The following MAP3K15 variants were observed in gnomAD, a reference collection of about 807,000 sequenced individuals.
MAP3K15 encodes the protein mitogen-activated protein kinase kinase kinase 15.
In MAP3K15, 124 loss-of-function variants were observed where a neutral mutation model predicts 99.5. That is an observed-to-expected ratio of 1.25 (90% CI 1.08 to 1.45). The LOEUF is 1.45. Ranked by LOEUF, MAP3K15 falls within the 40% of genes most tolerant of loss-of-function variation. The probability of loss-of-function intolerance (pLI) is 0.00; values close to 1 mark genes in which losing one functional copy is unlikely to be tolerated. For missense variants in MAP3K15, 1,242 were observed against 1,079.7 expected (o/e 1.15, Z -2.11); for synonymous variants, 494 against 439.6 (o/e 1.12, Z -1.55).
chrX:19,414,535 A>G (rs2063717257), intron 10 of MAP3K15, among the ~76,000 whole-genome samples: 1 of 112,612 alleles, frequency 8.9e-6, no homozygotes. Context: ...TAAGACGGTC[A>G]TAACATTAAA....
chrX:19,389,843 A>C (rs1279636890), intron 18 of MAP3K15, among the ~76,000 whole-genome samples: 1 of 112,112 alleles, frequency 8.9e-6, no homozygotes, highest in Non-Finnish European at 1.9e-5. Context: ...GATACAAGTC[A>C]TTTTCAATTA....
chrX:19,443,728 C>T (rs10126512), intron 6 of MAP3K15, among the ~76,000 whole-genome samples: 5,640 of 111,046 alleles, frequency 0.051, 375 homozygotes, highest in African/African-American at 0.18. Flanking sequence ...AGACTGAAGG[C>T]GGATGAGGGC....
chrX:19,396,194 A>C (rs2063566922), intron 15 of MAP3K15, among the ~76,000 whole-genome samples: 1 of 112,027 alleles, frequency 8.9e-6, no homozygotes, highest in African/African-American at 3.2e-5. Context: ...ACACTATCCT[A>C]ATCACCTTTC....
intron 25 of MAP3K15, among the ~76,000 whole-genome samples, chrX:19,363,526 G>A (rs2063311947): frequency 8.9e-6 from 1 of 112,461 alleles, no homozygotes; most frequent in Admixed American, 9.4e-5. Flanking sequence ...GAAGGACGAT[G>A]TGATTATTTA....
At chrX:19,376,571 G>A (rs1201073549) in intron 19 of MAP3K15, among the ~76,000 whole-genome samples, 1 of 110,652 alleles carries the variant, frequency 9.0e-6, no homozygotes, top group African/African-American at 3.3e-5. Context: ...TCAGGTTCCT[G>A]AGTAGCTGGG....
intron 18 of MAP3K15, among the ~76,000 whole-genome samples, chrX:19,381,310 G>A (rs1255374035): frequency 1.8e-5 from 2 of 111,457 alleles, no homozygotes; most frequent in African/African-American, 3.3e-5. Context: ...ACCTGGGAGC[G>A]GAGAGGAAGG....
intron 1 of MAP3K15, among the ~76,000 whole-genome samples, chrX:19,501,723 C>T (rs979675010): frequency 2.7e-5 from 3 of 111,856 alleles, no homozygotes; most frequent in African/African-American, 9.8e-5. Context: ...ACCTGGCTCC[C>T]GGCCATTGAA....
intron 6 of MAP3K15, among the ~76,000 whole-genome samples, chrX:19,439,704 A>C (rs956671381): frequency 2.7e-5 from 3 of 111,959 alleles, no homozygotes; most frequent in Non-Finnish European, 3.8e-5. Flanking sequence ...CCTGGCCTCA[A>C]GTGATCCTCC....
intron 1 of MAP3K15, among the ~76,000 whole-genome samples, chrX:19,510,350 G>A (rs1022849021): frequency 8.9e-6 from 1 of 112,034 alleles, no homozygotes; most frequent in Non-Finnish European, 1.9e-5. Flanking sequence ...TATCCACCAT[G>A]ATCAAGTCGG....
chrX:19,482,598 G>C (rs1367937683), intron 3 of MAP3K15, among the ~76,000 whole-genome samples: 3 of 111,782 alleles, frequency 2.7e-5, no homozygotes, highest in African/African-American at 9.8e-5. Flanking sequence ...GCTGGGTGTG[G>C]GAAGAGAGAT....
intron 9 of MAP3K15, among the ~76,000 whole-genome samples, chrX:19,424,435 A>AC (rs1385886898): frequency 4.6e-5 from 5 of 108,339 alleles, no homozygotes; most frequent in Non-Finnish European, 7.7e-5. Flanking sequence ...AATACTGTCC[A>AC]CCCCTCCTGG....
intron 1 of MAP3K15, among the ~76,000 whole-genome samples, chrX:19,493,475 T>C (rs994741457): frequency 1.8e-5 from 2 of 111,795 alleles, no homozygotes; most frequent in African/African-American, 3.2e-5. Context: ...TGAGGATTTA[T>C]ACCAAAATAG....
rs192589371 is a variant in MAP3K15, at chrX:19,506,820, G to A, written c.361+8081C>T. Among the ~76,000 whole-genome samples the A allele has an allele frequency of 8.5e-4, 95 of 112,276 alleles. 1 individual carries two copies. Among genetic ancestry groups the A allele is most frequent in the African/African-American group, 2.8e-3 (87 of 31,008 alleles). On this transcript the variant is annotated intron_variant, in intron 1 of 28. Transcript: ENST00000338883. The stretch of plus-strand genomic sequence containing the variant: ...ATTACAGACGTGAGCCACCGCACCC[G>A]GCCTAGTCTTATAGTTTTCCTATCG...
intron 14 of MAP3K15, 63 bp from the exon 15 acceptor site, chrX:19,398,422 GC>G: frequency 8.8e-7 from 1 of 1,137,874 alleles, no homozygotes; most frequent in Non-Finnish European, 1.2e-6. Flanking sequence ...GCCCTCTAAG[GC>G]CCCCAGAGTT....
chrX:19,472,005 G>C (rs986988424), intron 3 of MAP3K15, among the ~76,000 whole-genome samples: 1 of 110,988 alleles, frequency 9.0e-6, no homozygotes, highest in African/African-American at 3.3e-5. Context: ...GGTGGATCAC[G>C]AGGCCAGGAG....
At chrX:19,363,841 C>T (rs1269308263) in intron 25 of MAP3K15, among the ~76,000 whole-genome samples, 1 of 110,386 alleles carries the variant, frequency 9.1e-6, no homozygotes, top group African/African-American at 3.3e-5. Flanking sequence ...TTAGTAGAGA[C>T]AGGGTTACAC....
intron 18 of MAP3K15, among the ~76,000 whole-genome samples, chrX:19,387,800 T>A (rs2063502446): frequency 8.9e-6 from 1 of 112,063 alleles, no homozygotes; most frequent in Non-Finnish European, 1.9e-5. Context: ...TCCTCCACGA[T>A]CTGAATCCCT....
intron 18 of MAP3K15, among the ~76,000 whole-genome samples, chrX:19,384,887 C>T (rs768029903): frequency 9.2e-6 from 1 of 108,491 alleles, no homozygotes; most frequent in East Asian, 2.9e-4. Flanking sequence ...GATTATTACA[C>T]ATTGTGTGCC....
rs185970567 is a variant in MAP3K15 at position 19,403,264 on chromosome X, A to T, written c.1845-2601T>A. ...AAAAAAATTATTAAAATGTATTTTT[A>T]AAAAAAGGCACTGAGTACTGAATGA... On this transcript the variant is annotated intron_variant, in intron 13 of 28. Coordinates refer to ENST00000338883, the MANE Select transcript of MAP3K15 (RefSeq NM_001001671.4). 4.7e-4 allele frequency among the ~76,000 whole-genome samples: 52 copies of T among 110,991 alleles called. 3 individuals are homozygous for T. In the East Asian group the frequency reaches 0.012, roughly 27 times the overall value.
Sources: allele counts gnomAD v4.1 joint callset (sites outside exome capture counted in the v4.1 genomes callset), GRCh38; gene constraint gnomAD v4.1.1; transcripts MANE v1.5; gene names NCBI Gene and HGNC (gene_info 2026-07-23, HGNC 2026-07-21).